The following FAM135B variants were observed in gnomAD, a reference collection of about 807,000 sequenced individuals.
FAM135B encodes protein FAM135B.
Under a neutral mutation model 127.7 loss-of-function variants are expected in FAM135B, and 43 were observed. The observed-to-expected ratio is 0.34, with a 90% confidence interval of 0.26 to 0.43. The LOEUF (loss-of-function observed/expected upper bound fraction) is 0.43, where lower values mean the gene tolerates loss of function less well. Among genes scored for constraint, FAM135B ranks in the 20% least tolerant of loss-of-function variants. FAM135B has a pLI of 1.00. For missense variants in FAM135B, 1,558 were observed against 1,725.6 expected (o/e 0.90, Z 1.72); for synonymous variants, 670 against 665.1 (o/e 1.01, Z -0.11).
chr8:138,220,824 T>C (rs781508727), intron 7 of FAM135B, among the ~76,000 whole-genome samples: 1 of 152,178 alleles, frequency 6.6e-6, no homozygotes, highest in Non-Finnish European at 1.5e-5. Context: ...CATATATAAA[T>C]GTTCAAAAGT....
chr8:138,392,588 A>G (rs1196832127), intron 1 of FAM135B, among the ~76,000 whole-genome samples: 1 of 152,056 alleles, frequency 6.6e-6, no homozygotes, highest in Non-Finnish European at 1.5e-5. Flanking sequence ...GGATTTTTCT[A>G]AGTCAAAATG....
At chr8:138,134,805 A>G (rs1039916132) in intron 19 of FAM135B, among the ~76,000 whole-genome samples, 1 of 152,340 alleles carries the variant, frequency 6.6e-6, no homozygotes, top group Middle Eastern at 3.4e-3. Context: ...AACAGAAAAT[A>G]TAAGTTTAAC....
chr8:138,297,585 C>T (rs773792652), intron 3 of FAM135B, among the ~76,000 whole-genome samples: 2 of 152,114 alleles, frequency 1.3e-5, no homozygotes, highest in Non-Finnish European at 2.9e-5. Flanking sequence ...GAGGTCAGTC[C>T]GTGGAACACT....
intron 3 of FAM135B, among the ~76,000 whole-genome samples, chr8:138,303,274 T>A (rs1057421793): frequency 3.9e-5 from 6 of 152,192 alleles, no homozygotes; most frequent in African/African-American, 1.4e-4. Flanking sequence ...AATGAATTCA[T>A]GTCCTTTGCA....
intron 3 of FAM135B, among the ~76,000 whole-genome samples, chr8:138,301,001 C>T (rs1402510093): frequency 6.6e-6 from 1 of 152,068 alleles, no homozygotes. Flanking sequence ...CTGCCCACCT[C>T]GGCCTCCCAA....
At chr8:138,376,549 G>A in intron 1 of FAM135B, among the ~76,000 whole-genome samples, 1 of 152,130 alleles carries the variant, frequency 6.6e-6, no homozygotes, top group East Asian at 1.9e-4. Context: ...TGATTCAAGA[G>A]GCATTGTATA....
At chr8:138,248,217 A>G (rs1821431881) in intron 6 of FAM135B, among the ~76,000 whole-genome samples, 1 of 152,232 alleles carries the variant, frequency 6.6e-6, no homozygotes, top group Non-Finnish European at 1.5e-5. Context: ...CAGATTTGCA[A>G]CATGGGTTTG....
chr8:138,187,470 C>T (rs770913640), intron 9 of FAM135B, among the ~76,000 whole-genome samples: 8 of 152,174 alleles, frequency 5.3e-5, no homozygotes, highest in Non-Finnish European at 1.2e-4. Context: ...GCTGGCCAAG[C>T]CTCTTCTCTC....
chr8:138,199,261 T>C (rs937244993), intron 7 of FAM135B, among the ~76,000 whole-genome samples: 2 of 152,174 alleles, frequency 1.3e-5, no homozygotes, highest in African/African-American at 4.8e-5. Context: ...GATTGTCATG[T>C]GTGATGCAGG....
At chr8:138,387,263 C>T (rs533431097) in intron 1 of FAM135B, among the ~76,000 whole-genome samples, 1 of 152,196 alleles carries the variant, frequency 6.6e-6, no homozygotes, top group African/African-American at 2.4e-5. Context: ...AGTCCTGGCT[C>T]TAAAGGGAAA....
Position 138,164,789 on chromosome 8 carries a change from A to G in FAM135B, c.1258+3106T>C, listed in dbSNP as rs190302410. On this transcript the variant is annotated intron_variant, in intron 12 of 19. Coordinates refer to ENST00000395297, the MANE Select transcript of FAM135B (RefSeq NM_015912.4). ...GCTGTGCTCTGACCACCTTGGGTAC[A>G]TGTCGTCAGGACCTCCTGAGGCTGT... Among the ~76,000 whole-genome samples, 436 of 152,330 alleles carry G rather than the reference A, an allele frequency of 2.9e-3. 2 individuals are homozygous for G. The highest frequency in any genetic ancestry group is 0.01 in the African/African-American group (419 of 41,586).
At chr8:138,414,852 T>A (rs532862587) in intron 1 of FAM135B, among the ~76,000 whole-genome samples, 1 of 152,108 alleles carries the variant, frequency 6.6e-6, no homozygotes, top group African/African-American at 2.4e-5. Flanking sequence ...TGAAATGACA[T>A]GGAGGAATCT....
intron 12 of FAM135B, among the ~76,000 whole-genome samples, chr8:138,166,393 G>A (rs1208503045): frequency 6.6e-6 from 1 of 152,196 alleles, no homozygotes; most frequent in Admixed American, 6.5e-5. Flanking sequence ...TGTGAAAGCA[G>A]CAAAACAGGT....
At chr8:138,429,085 C>T (rs947744905) in intron 1 of FAM135B, among the ~76,000 whole-genome samples, 13 of 152,190 alleles carry the variant, frequency 8.5e-5, no homozygotes, top group Non-Finnish European at 1.8e-4. Flanking sequence ...GTGGTAAATG[C>T]TATGGACAAA....
At chr8:138,343,527 C>T (rs1295410161) in intron 2 of FAM135B, among the ~76,000 whole-genome samples, 1 of 152,196 alleles carries the variant, frequency 6.6e-6, no homozygotes, top group Non-Finnish European at 1.5e-5. Flanking sequence ...GTCTTCACCT[C>T]TTACACTGAG....
chr8:138,319,296 G>A (rs544507110), intron 2 of FAM135B, among the ~76,000 whole-genome samples: 61 of 152,168 alleles, frequency 4.0e-4, no homozygotes, highest in African/African-American at 1.4e-3. Context: ...TAGTAGAGAC[G>A]GGGTTTCACC....
intron 1 of FAM135B, among the ~76,000 whole-genome samples, chr8:138,430,010 T>A (rs1835106885): frequency 6.6e-6 from 1 of 152,178 alleles, no homozygotes; most frequent in Non-Finnish European, 1.5e-5. Context: ...ATGCCGAGTT[T>A]CTTTAATAGC....
chr8:138,426,026 TATACACACACAC>T (rs1834855603), intron 1 of FAM135B, among the ~76,000 whole-genome samples: 1 of 41,224 alleles, frequency 2.4e-5, no homozygotes, highest in Non-Finnish European at 4.4e-5. Flanking sequence ...CACACATACA[TATACACACACAC>T]ACACACACAC....
intron 12 of FAM135B, among the ~76,000 whole-genome samples, chr8:138,162,328 C>G (rs183164114): frequency 3.3e-5 from 5 of 152,132 alleles, no homozygotes; most frequent in Non-Finnish European, 7.4e-5. Flanking sequence ...GAGGATTTTT[C>G]GAGCAATGGA....
Sources: gnomAD v4.1 joint callset for allele counts (sites outside exome capture counted in the v4.1 genomes callset) on GRCh38, gnomAD v4.1.1 for gene constraint, MANE v1.5 for transcripts, NCBI Gene and HGNC (gene_info 2026-07-23, HGNC 2026-07-21) for gene names.